Variants in SEMA3C observed in about 807,000 individuals in gnomAD.
The protein encoded by SEMA3C is semaphorin 3C, also known as semaphorin-3C.
SEMA3C carries 47 observed loss-of-function variants against 89.4 expected under a neutral mutation model. The ratio of observed to expected loss-of-function variants is 0.53; its 90% CI spans 0.42 to 0.67. The LOEUF (loss-of-function observed/expected upper bound fraction) is 0.67, where lower values mean the gene tolerates loss of function less well. Ranked by LOEUF, SEMA3C falls within the 30% of genes least tolerant of loss-of-function variation. The pLI, the probability that SEMA3C is intolerant of heterozygous loss-of-function variation, is 0.00. For synonymous variants in SEMA3C, 310 were observed against 320.2 expected (o/e 0.97, Z 0.34); for missense variants, 839 against 929.1 (o/e 0.90, Z 1.26).
intron 15 of SEMA3C, among the ~76,000 whole-genome samples, chr7:80,754,966 T>TTGTTTTTTTTTTTTTTTTTG: frequency 1.4e-5 from 2 of 139,096 alleles, no homozygotes; most frequent in Admixed American, 7.3e-5. Context: ...TGTTTTTTTT[T>TTGTTTTTTTTTTTTTTTTTG]TTTTTGTATT....
Position 80,743,157 on chromosome 7 carries a change from C to T in SEMA3C, c.*1737G>A, listed in dbSNP as rs1787720451. 6.6e-6 allele frequency: 1 copy of T among 151,732 alleles called. No individual in the cohort carries two copies. The highest frequency in any genetic ancestry group is 6.6e-5 in the Admixed American group (1 of 15,218). The allele number at this position is 151,732 out of a possible 1,614,324, so 9.4% of individuals were successfully genotyped here. A position where few individuals can be genotyped will look rare whatever the true frequency, so the allele number is the denominator to read the frequency against. ...TAATTATACCTTTTAAGCAGGCAAA[C>T]CATTATAATAAACTGCTTTAGAAAT... On this transcript the variant is annotated 3_prime_UTR_variant, in exon 18 of 18. Coordinates refer to ENST00000265361, the MANE Select transcript of SEMA3C (RefSeq NM_006379.5).
At chr7:80,901,527 C>T (rs1011688819) in intron 2 of SEMA3C, among the ~76,000 whole-genome samples, 5 of 152,168 alleles carry the variant, frequency 3.3e-5, no homozygotes, top group Admixed American at 2.0e-4. Flanking sequence ...CAAAACTTAC[C>T]GCCAAGTGCT....
intron 8 of SEMA3C, 39 bp from the exon 9 acceptor site, chr7:80,802,818 T>G (rs761793725): frequency 6.8e-7 from 1 of 1,474,668 alleles, no homozygotes; most frequent in Non-Finnish European, 9.5e-7. Flanking sequence ...ATTGCTTAAG[T>G]AAATATTGAA....
At chr7:80,752,140 CAATAT>C (rs1306726380) in intron 15 of SEMA3C, among the ~76,000 whole-genome samples, 1 of 152,090 alleles carries the variant, frequency 6.6e-6, no homozygotes, top group Non-Finnish European at 1.5e-5. Flanking sequence ...TTCAACATAA[CAATAT>C]AATTATCTAA....
intron 2 of SEMA3C, among the ~76,000 whole-genome samples, chr7:80,855,236 T>A (rs1790609803): frequency 6.6e-6 from 1 of 152,140 alleles, no homozygotes; most frequent in Non-Finnish European, 1.5e-5. Flanking sequence ...AAACAGGGAC[T>A]GTCCTTGGAA....
chr7:80,846,715 G>A (rs1033295708), intron 2 of SEMA3C, among the ~76,000 whole-genome samples: 1 of 152,070 alleles, frequency 6.6e-6, no homozygotes, highest in Non-Finnish European at 1.5e-5. Context: ...GACGAAAATG[G>A]CTCACCTTTA....
At chr7:80,777,118 G>A (rs1257237423) in intron 12 of SEMA3C, among the ~76,000 whole-genome samples, 1 of 152,044 alleles carries the variant, frequency 6.6e-6, no homozygotes, top group African/African-American at 2.4e-5. Flanking sequence ...AATCTATAAA[G>A]TCTACTTTAA....
At chr7:80,837,527 A>T (rs760750858) in intron 2 of SEMA3C, among the ~76,000 whole-genome samples, 1 of 152,110 alleles carries the variant, frequency 6.6e-6, no homozygotes, top group Non-Finnish European at 1.5e-5. Context: ...CTAGTTCCAG[A>T]TTACCTTACC....
intron 12 of SEMA3C, among the ~76,000 whole-genome samples, chr7:80,776,074 C>T (rs919374259): frequency 4.6e-5 from 7 of 151,978 alleles, no homozygotes; most frequent in Admixed American, 1.3e-4. Context: ...ACCACTATGA[C>T]GTCTGCCCAA....
chr7:80,775,788 A>G (rs1056404541), intron 12 of SEMA3C, among the ~76,000 whole-genome samples: 1 of 152,132 alleles, frequency 6.6e-6, no homozygotes, highest in Admixed American at 6.6e-5. Flanking sequence ...TACCTAATAT[A>G]TATGAATACA....
chr7:80,748,880 C>A lies in SEMA3C; in HGVS notation c.1842+18G>T, dbSNP rs767373497. ...TCTCTGAAGCCCTGATGGATTGCTG[C>A]TGTGCTGCTTTACTCACCTCTTTCC... On this transcript the variant is annotated intron_variant, in intron 17 of 17. Transcript: ENST00000265361. 1.9e-6 allele frequency: 3 copies of A among 1,600,630 alleles called. No individual in the cohort carries two copies.
chr7:80,820,413 CAAAAT>C (rs1789719246), intron 4 of SEMA3C, among the ~76,000 whole-genome samples: 1 of 151,846 alleles, frequency 6.6e-6, no homozygotes, highest in African/African-American at 2.4e-5. Flanking sequence ...AAAACTAAAA[CAAAAT>C]AAATGTTGCT....
rs935523129 is a variant in SEMA3C, at chr7:80,814,073, CT to C, written c.448-3373del. Reference sequence around the variant, plus strand: ...TTTCCCCACCCCTCTTTCTCTGTTCCTTTTTTTTTTCTTTTTTCTTTTTTTT... The same window carrying C: ...TTTCCCCACCCCTCTTTCTCTGTTCCTTTTTTTTTCTTTTTTCTTTTTTTT... On this transcript the variant is annotated intron_variant, in intron 5 of 17. Transcript: ENST00000265361. Among the ~76,000 whole-genome samples the C allele has an allele frequency of 7.6e-5, 11 of 143,840 alleles. No homozygotes were observed. In the East Asian group the frequency reaches 7.9e-4, roughly 10 times the overall value. The allele number at this position is 143,840 out of a possible 152,430, so 94.4% of individuals were successfully genotyped here.
intron 2 of SEMA3C, among the ~76,000 whole-genome samples, chr7:80,871,027 A>AAAT (rs1403972041): frequency 1.3e-5 from 2 of 152,236 alleles, no homozygotes; most frequent in Non-Finnish European, 2.9e-5. Context: ...GTTCCTCTAT[A>AAAT]AAAGTCAACA....
intron 4 of SEMA3C, among the ~76,000 whole-genome samples, chr7:80,824,369 A>G (rs1251931222): frequency 2.8e-4 from 43 of 152,132 alleles, no homozygotes; most frequent in Non-Finnish European, 1.0e-4. Flanking sequence ...AAGCCCTGAC[A>G]ATCAGTTGGA....
chr7:80,894,204 A>G (rs1183221213), intron 2 of SEMA3C, among the ~76,000 whole-genome samples: 2 of 152,208 alleles, frequency 1.3e-5, no homozygotes, highest in Non-Finnish European at 2.9e-5. Flanking sequence ...GGTGCATAAG[A>G]AAGTAGAGTA....
chr7:80,849,824 T>C (rs1446471852), intron 2 of SEMA3C, among the ~76,000 whole-genome samples: 1 of 152,136 alleles, frequency 6.6e-6, no homozygotes, highest in Non-Finnish European at 1.5e-5. Flanking sequence ...ATTTAGAATA[T>C]TCATTTATAT....
At chr7:80,863,753 CAT>C (rs546605613) in intron 2 of SEMA3C, among the ~76,000 whole-genome samples, 2 of 132,186 alleles carry the variant, frequency 1.5e-5, no homozygotes, top group East Asian at 4.2e-4. Context: ...AGTATTCCAT[CAT>C]ATATATAGTA....
At chr7:80,911,394 T>G (rs916192261) in intron 2 of SEMA3C, among the ~76,000 whole-genome samples, 1 of 152,226 alleles carries the variant, frequency 6.6e-6, no homozygotes, top group East Asian at 1.9e-4. Context: ...AATGCGAAAA[T>G]GTATAACTTT....
Sources: allele counts gnomAD v4.1 joint callset (sites outside exome capture counted in the v4.1 genomes callset), GRCh38; gene constraint gnomAD v4.1.1; transcripts MANE v1.5; gene names NCBI Gene and HGNC (gene_info 2026-07-23, HGNC 2026-07-21).